The following HIBADH variants were observed in gnomAD, a reference collection of about 807,000 sequenced individuals.
The protein encoded by HIBADH is 3-hydroxyisobutyrate dehydrogenase, also known as 3-hydroxyisobutyrate dehydrogenase, mitochondrial.
In HIBADH, 25 loss-of-function variants were observed where a neutral mutation model predicts 36.1. The observed-to-expected ratio is 0.69, with a 90% CI of 0.50 to 0.97. HIBADH has a LOEUF of 0.97. Ranked by LOEUF, HIBADH falls within the 50% of genes least tolerant of loss-of-function variation. The pLI, the probability that HIBADH is intolerant of heterozygous loss-of-function variation, is 0.00. For synonymous variants in HIBADH, 160 were observed against 149.5 expected (o/e 1.07, Z -0.51); for missense variants, 421 against 418.0 (o/e 1.01, Z -0.06).
chr7:27,595,474 T>C (rs1785016493), intron 4 of HIBADH, among the ~76,000 whole-genome samples: 1 of 152,056 alleles, frequency 6.6e-6, no homozygotes, highest in Admixed American at 6.6e-5. Context: ...GCCTAGACCG[T>C]GGCAGTGAGC....
At chr7:27,616,471 G>C (rs780413476) in intron 4 of HIBADH, among the ~76,000 whole-genome samples, 12 of 151,956 alleles carry the variant, frequency 7.9e-5, no homozygotes, top group Non-Finnish European at 1.6e-4. Context: ...TTTTTTGTTT[G>C]TTTGTTTTTT....
intron 4 of HIBADH, among the ~76,000 whole-genome samples, chr7:27,560,283 A>C (rs1784446138): frequency 6.6e-6 from 1 of 152,098 alleles, no homozygotes; most frequent in African/African-American, 2.4e-5. Flanking sequence ...CACCACGCCT[A>C]ATTTTTTGTA....
chr7:27,633,885 T>A (rs982898164), intron 2 of HIBADH, among the ~76,000 whole-genome samples: 4 of 152,212 alleles, frequency 2.6e-5, no homozygotes, highest in Non-Finnish European at 4.4e-5. Context: ...TGTAAGCATC[T>A]TACAAATAGG....
chr7:27,561,420 T>C (rs1211769204), intron 4 of HIBADH, among the ~76,000 whole-genome samples: 1 of 152,146 alleles, frequency 6.6e-6, no homozygotes, highest in Non-Finnish European at 1.5e-5. Context: ...ATTTTAAATG[T>C]ATAGGTTTTA....
chr7:27,624,970 A>T (rs374007994), intron 4 of HIBADH, among the ~76,000 whole-genome samples: 3 of 152,204 alleles, frequency 2.0e-5, no homozygotes, highest in South Asian at 2.1e-4. Context: ...GAATGCGAAT[A>T]TTTTTTTAAC....
At position 27,645,960 on chromosome 7, in the gene HIBADH, G is replaced by C. The variant is rs986300487; in HGVS notation, c.252+3513C>G. On this transcript the variant is annotated intron_variant, in intron 2 of 7. Transcript: ENST00000265395. ...AGCACAAGTTTTTAATTTTGATAAAGTCCAATTTACCTATTTATCATTTTG... is the reference window on the plus strand; with the variant it reads ...AGCACAAGTTTTTAATTTTGATAAACTCCAATTTACCTATTTATCATTTTG... 2.6e-5 allele frequency among the ~76,000 whole-genome samples: 4 copies of C among 152,190 alleles called. No individual in the cohort carries two copies. The Middle Eastern group carries it at 0.01, about 388-fold the overall frequency.
At chr7:27,629,095 T>A (rs1474505556) in intron 4 of HIBADH, among the ~76,000 whole-genome samples, 1 of 151,186 alleles carries the variant, frequency 6.6e-6, no homozygotes, top group Non-Finnish European at 1.5e-5. Flanking sequence ...CCAAAAAAAA[T>A]TTTCTAAAAA....
At chr7:27,564,581 G>C in intron 4 of HIBADH, among the ~76,000 whole-genome samples, 1 of 152,134 alleles carries the variant, frequency 6.6e-6, no homozygotes, top group East Asian at 1.9e-4. Flanking sequence ...TATGAAAATT[G>C]AGTAATGTGA....
chr7:27,531,750 A>G (rs1784005466), intron 6 of HIBADH, among the ~76,000 whole-genome samples: 1 of 152,176 alleles, frequency 6.6e-6, no homozygotes, highest in Non-Finnish European at 1.5e-5. Flanking sequence ...CCCACAAATG[A>G]TATATTTCAG....
intron 4 of HIBADH, 50 bp downstream of exon 4, chr7:27,629,321 T>C: frequency 1.3e-6 from 2 of 1,567,190 alleles, no homozygotes; most frequent in Non-Finnish European, 1.7e-6. Context: ...CCATAATTGC[T>C]ACTTTTGACA....
intron 4 of HIBADH, among the ~76,000 whole-genome samples, chr7:27,597,749 A>T (rs1387094668): frequency 1.3e-5 from 2 of 152,210 alleles, no homozygotes; most frequent in Non-Finnish European, 2.9e-5. Flanking sequence ...CTAACTACTG[A>T]AGGAAAGAAT....
chr7:27,590,916 A>AT (rs1005172536), intron 4 of HIBADH, among the ~76,000 whole-genome samples: 4 of 152,176 alleles, frequency 2.6e-5, no homozygotes, highest in Admixed American at 6.5e-5. Context: ...CAATCCTTGA[A>AT]TATCTCCCTC....
intron 3 of HIBADH, among the ~76,000 whole-genome samples, 178 bp from the exon 4 acceptor site, chr7:27,629,670 T>C (rs1785713577): frequency 1.3e-5 from 2 of 152,108 alleles, no homozygotes; most frequent in South Asian, 4.1e-4. Context: ...TGAGACCAAT[T>C]GTACTTCAAA....
chr7:27,526,383 CAGG>C lies in HIBADH; in HGVS notation c.853-14_853-12del, dbSNP rs755622360. 1.9e-6 allele frequency: 3 copies of C among 1,605,580 alleles called. No individual in the cohort carries two copies. Among genetic ancestry groups the C allele is most frequent in the South Asian group, 1.1e-5 (1 of 89,398 alleles). ...TGCCAATCCCAGATCCTAAATCAAA[CAGG>C]AGGAGAGAACACGCTGAGACTGGTG... On this transcript the variant is annotated splice_polypyrimidine_tract_variant and intron_variant, in intron 7 of 7. Transcript: ENST00000265395.
intron 4 of HIBADH, among the ~76,000 whole-genome samples, chr7:27,596,917 T>C (rs934770780): frequency 6.6e-6 from 1 of 152,174 alleles, no homozygotes; most frequent in Admixed American, 6.5e-5. Context: ...TATGAAAAGA[T>C]ATATGAAATT....
chr7:27,594,740 G>A, intron 4 of HIBADH, among the ~76,000 whole-genome samples: 1 of 152,126 alleles, frequency 6.6e-6, no homozygotes, highest in East Asian at 1.9e-4. Context: ...GCAACGGAAA[G>A]TTGTCCTACT....
chr7:27,575,696 G>A (rs1784699239), intron 4 of HIBADH, among the ~76,000 whole-genome samples: 1 of 152,174 alleles, frequency 6.6e-6, no homozygotes, highest in Non-Finnish European at 1.5e-5. Context: ...AATGCACAGG[G>A]CTGTTTTCAA....
chr7:27,612,391 T>C (rs965657435), intron 4 of HIBADH, among the ~76,000 whole-genome samples: 4 of 151,722 alleles, frequency 2.6e-5, no homozygotes, highest in African/African-American at 9.7e-5. Context: ...AATGGCTCGA[T>C]GTCGGCTCAC....
intron 4 of HIBADH, among the ~76,000 whole-genome samples, chr7:27,558,342 T>TG (rs1465053121): frequency 6.6e-6 from 1 of 152,182 alleles, no homozygotes; most frequent in South Asian, 2.1e-4. Context: ...TTCCATTTTT[T>TG]GGGGGGACAG....
Sources: allele counts gnomAD v4.1 joint callset (sites outside exome capture counted in the v4.1 genomes callset), GRCh38; gene constraint gnomAD v4.1.1; transcripts MANE v1.5; gene names NCBI Gene and HGNC (gene_info 2026-07-23, HGNC 2026-07-21).